NRXN3: variants seen among roughly 807,000 people sequenced by gnomAD.
NRXN3 encodes the protein neurexin III.
In NRXN3, 32 loss-of-function variants were observed where a neutral mutation model predicts 137.6. The observed-to-expected ratio is 0.23, with a 90% CI of 0.18 to 0.31. NRXN3 has a LOEUF of 0.31. Among genes scored for constraint, NRXN3 ranks in the 10% least tolerant of loss-of-function variants. The pLI, the probability that NRXN3 is intolerant of heterozygous loss-of-function variation, is 1.00. For missense variants in NRXN3, 1,574 were observed against 2,062.5 expected (o/e 0.76, Z 4.59); for synonymous variants, 798 against 784.5 (o/e 1.02, Z -0.29).
intron 16 of NRXN3, among the ~76,000 whole-genome samples, chr14:79,548,856 C>T (rs1474978040): frequency 2.0e-5 from 3 of 152,074 alleles, no homozygotes; most frequent in South Asian, 2.1e-4. Flanking sequence ...ATGCCAATGT[C>T]GTGCTTCCTG....
chr14:78,574,592 G>A (rs2096919127), intron 4 of NRXN3, among the ~76,000 whole-genome samples: 1 of 152,174 alleles, frequency 6.6e-6, no homozygotes, highest in Non-Finnish European at 1.5e-5. Flanking sequence ...GGGACCTGTA[G>A]CCCCTTCGTT....
intron 19 of NRXN3, among the ~76,000 whole-genome samples, chr14:79,790,240 T>A (rs747533273): frequency 8.5e-5 from 13 of 152,098 alleles, no homozygotes; most frequent in Non-Finnish European, 1.6e-4. Flanking sequence ...AAGCTTTCAC[T>A]CATGGTGAAT....
intron 4 of NRXN3, among the ~76,000 whole-genome samples, chr14:78,462,425 A>C (rs1422407199): frequency 3.3e-5 from 5 of 152,136 alleles, no homozygotes; most frequent in African/African-American, 1.2e-4. Context: ...TTTTAAATTC[A>C]AGACATTCAA....
At chr14:79,556,415 T>C (rs1037364438) in intron 16 of NRXN3, among the ~76,000 whole-genome samples, 4 of 152,196 alleles carry the variant, frequency 2.6e-5, no homozygotes, top group Non-Finnish European at 5.9e-5. Flanking sequence ...TTAGTCATTA[T>C]GGTAGAAACA....
At position 79,866,449 on chromosome 14, in the gene NRXN3, C is replaced by G. The variant is rs574667097; in HGVS notation, c.*4485C>G. On this transcript the variant is annotated 3_prime_UTR_variant, in exon 21 of 21. Coordinates refer to ENST00000335750, the MANE Select transcript of NRXN3 (RefSeq NM_001330195.2). ...TAGAAGGGGTGACATTTTGGTAAAC[C>G]TTGGAAAACTGATAGGCAGAAATAA... The G allele has an allele frequency of 5.3e-5, 8 of 152,018 alleles. No homozygotes were observed. Among genetic ancestry groups the G allele is most frequent in the Admixed American group, 4.6e-4 (7 of 15,266 alleles). The allele number at this position is 152,018 out of a possible 1,614,324, so 9.4% of individuals were successfully genotyped here.
Position 79,654,873 on chromosome 14 carries a change from T to C in NRXN3, c.3445-8905T>C, listed in dbSNP as rs1029055094. 1.6e-4 allele frequency among the ~76,000 whole-genome samples: 24 copies of C among 152,206 alleles called. 1 individual carries two copies. The highest frequency in any genetic ancestry group is 5.8e-4 in the African/African-American group (24 of 41,454). ...AGGTCCATTTACCTTGAAGCCATAATGCTAATATAGCCTGTCATTTGGAAG... is the reference window on the plus strand; with the variant it reads ...AGGTCCATTTACCTTGAAGCCATAACGCTAATATAGCCTGTCATTTGGAAG... On this transcript the variant is annotated intron_variant, in intron 16 of 20. Transcript: ENST00000335750.
At chr14:79,018,918 T>C (rs1411125116) in intron 15 of NRXN3, among the ~76,000 whole-genome samples, 1 of 152,230 alleles carries the variant, frequency 6.6e-6, no homozygotes, top group Non-Finnish European at 1.5e-5. Flanking sequence ...AACATCTGTT[T>C]CCCTGCCTTT....
At chr14:79,654,627 T>G (rs1168046815) in intron 16 of NRXN3, among the ~76,000 whole-genome samples, 2 of 152,182 alleles carry the variant, frequency 1.3e-5, no homozygotes, top group Non-Finnish European at 2.9e-5. Flanking sequence ...CTCCAACTTT[T>G]GCATATTCAT....
At chr14:78,899,450 G>A (rs961904363) in intron 10 of NRXN3, among the ~76,000 whole-genome samples, 1 of 151,940 alleles carries the variant, frequency 6.6e-6, no homozygotes, top group South Asian at 2.1e-4. Context: ...TGCCACGTGG[G>A]CACAGAGTAG....
chr14:79,231,719 A>G (rs2072235388), intron 15 of NRXN3, among the ~76,000 whole-genome samples: 2 of 152,184 alleles, frequency 1.3e-5, no homozygotes, highest in Non-Finnish European at 2.9e-5. Flanking sequence ...CAATTTTGTC[A>G]CTTATTACCA....
intron 15 of NRXN3, among the ~76,000 whole-genome samples, chr14:79,448,552 C>A (rs1240484779): frequency 6.6e-6 from 1 of 152,166 alleles, no homozygotes; most frequent in Admixed American, 6.5e-5. Context: ...AATTTACTAT[C>A]CATGCAGATT....
chr14:79,338,358 G>A (rs565948836), intron 15 of NRXN3, among the ~76,000 whole-genome samples: 11 of 152,008 alleles, frequency 7.2e-5, no homozygotes, highest in Middle Eastern at 3.4e-3. Flanking sequence ...GGGTAGTTAC[G>A]GCAGCCTTCA....
chr14:78,445,588 T>A (rs1176518660), intron 4 of NRXN3, among the ~76,000 whole-genome samples: 3 of 152,200 alleles, frequency 2.0e-5, no homozygotes, highest in Admixed American at 1.3e-4. Flanking sequence ...TGTTCTACAG[T>A]GCCTTGAGCA....
rs540949462 is a variant in NRXN3 at position 78,914,557 on chromosome 14, T to C, written c.2276-42685T>C. ...AGGAAAGATGGGTAGGAATGAGTGA[T>C]ACAGGTGTCTGCAGGAAAAGCATTG... On this transcript the variant is annotated intron_variant, in intron 10 of 20. Coordinates refer to ENST00000335750, the MANE Select transcript of NRXN3 (RefSeq NM_001330195.2). 4.7e-4 allele frequency among the ~76,000 whole-genome samples: 72 copies of C among 152,188 alleles called. No homozygotes were observed. In the Middle Eastern group the frequency reaches 0.01, roughly 22 times the overall value.
At chr14:78,176,397 T>TA (rs1298762492) in intron 1 of NRXN3, among the ~76,000 whole-genome samples, 2 of 135,616 alleles carry the variant, frequency 1.5e-5, no homozygotes, top group Non-Finnish European at 3.2e-5. Flanking sequence ...TTTTTTTTTT[T>TA]AACACTCGGT....
intron 10 of NRXN3, among the ~76,000 whole-genome samples, chr14:78,912,123 A>G (rs1469764402): frequency 1.3e-5 from 2 of 148,556 alleles, no homozygotes; most frequent in African/African-American, 5.0e-5. Flanking sequence ...TCCTGTGTCC[A>G]TGTGTTCTCA....
At position 79,143,642 on chromosome 14, in the gene NRXN3, G is replaced by T. The variant is rs553360836; in HGVS notation, c.3262+155501G>T. Among the ~76,000 whole-genome samples, 4 of 152,320 alleles carry T rather than the reference G, an allele frequency of 2.6e-5. No homozygotes were observed. The South Asian group carries it at 6.2e-4, about 24-fold the overall frequency. ...TATACTGCAGAATAAATATGATCTG[G>T]CTGATTGCTTTAAGATCTGGAAGCT... is the stretch of plus-strand genomic sequence containing the variant. On this transcript the variant is annotated intron_variant, in intron 15 of 20. Coordinates refer to ENST00000335750, the MANE Select transcript of NRXN3 (RefSeq NM_001330195.2).
intron 15 of NRXN3, among the ~76,000 whole-genome samples, chr14:79,196,039 T>A (rs1187899349): frequency 6.6e-6 from 1 of 152,184 alleles, no homozygotes; most frequent in African/African-American, 2.4e-5. Flanking sequence ...AATACCAGAT[T>A]GACATCCTCA....
chr14:78,886,619 G>T (rs553224098), intron 10 of NRXN3, among the ~76,000 whole-genome samples: 1 of 151,872 alleles, frequency 6.6e-6, no homozygotes, highest in South Asian at 2.1e-4. Context: ...TGGGAATAAA[G>T]GAAAAAACAT....
Sources: allele counts gnomAD v4.1 joint callset (sites outside exome capture counted in the v4.1 genomes callset), GRCh38; gene constraint gnomAD v4.1.1; transcripts MANE v1.5; gene names NCBI Gene and HGNC (gene_info 2026-07-23, HGNC 2026-07-21).